The following MUC17 variants were observed in gnomAD, a reference collection of about 807,000 sequenced individuals.
The protein encoded by MUC17 is mucin 17, cell surface associated.
Under a neutral mutation model 170.3 loss-of-function variants are expected in MUC17, and 190 were observed. The ratio of observed to expected loss-of-function variants is 1.12; its 90% CI spans 0.99 to 1.26. The LOEUF (loss-of-function observed/expected upper bound fraction) is 1.26. Ranked by LOEUF, MUC17 falls within the 50% of genes most tolerant of loss-of-function variation. The pLI is 0.00. For missense variants in MUC17, 6,415 were observed against 5,530.0 expected (o/e 1.16, Z -5.08); for synonymous variants, 2,325 against 2,002.5 (o/e 1.16, Z -4.30).
rs746393701 is a variant in MUC17, at chr7:101,031,585, A to T, written c.185-16A>T. 1.3e-6 allele frequency: 2 copies of T among 1,515,684 alleles called. No individual in the cohort carries two copies. The highest frequency in any genetic ancestry group is 1.8e-6 in the Non-Finnish European group (2 of 1,133,914). 93.9% of individuals were successfully genotyped at this position (1,515,684 alleles called of 1,614,324 possible). A position where few individuals can be genotyped will look rare whatever the true frequency, so the allele number is the denominator to read the frequency against. On this transcript the variant is annotated splice_polypyrimidine_tract_variant and intron_variant, in intron 2 of 12. Coordinates refer to ENST00000306151, the MANE Select transcript of MUC17 (RefSeq NM_001040105.2). Reference sequence around the variant, plus strand: ...CTAAGAAACTTCTAAACAAAATATCATTGTATCTTAAACAGGTTCTGCGGC... The same window carrying T: ...CTAAGAAACTTCTAAACAAAATATCTTTGTATCTTAAACAGGTTCTGCGGC...
Position 101,039,664 on chromosome 7 carries a change from A to G in MUC17, c.8248A>G (p.Ser2750Gly), listed in dbSNP as rs762029942. The G allele has an allele frequency of 6.2e-7, 1 of 1,612,390 alleles. No homozygotes were observed. Among genetic ancestry groups the G allele is most frequent in the Non-Finnish European group, 8.5e-7 (1 of 1,179,532 alleles). The change falls in exon 3 of 13, where the codon AGT (serine) becomes GGT (glycine). Residue 2750 changes from serine to glycine, a missense_variant. By Grantham distance (56) the Ser-to-Gly change is moderately conservative. Transcript: ENST00000306151. Reference protein sequence around the residue: ...SMRISTPSDGSTPLTSILVST... With the variant: ...SMRISTPSDGGTPLTSILVST... ...GCGAATCTCAACTCCTAGTGATGGAAGTACTCCATTAACAAGTATACTTGT... is the reference window on the plus strand; with the variant it reads ...GCGAATCTCAACTCCTAGTGATGGAGGTACTCCATTAACAAGTATACTTGT...
At position 101,042,960 on chromosome 7, in the gene MUC17, C is replaced by T. The variant is rs769560059; in HGVS notation, c.11544C>T (p.Thr3848=). The T allele has an allele frequency of 6.2e-7, 1 of 1,614,174 alleles. No homozygotes were observed. The highest frequency in any genetic ancestry group is 8.5e-7 in the Non-Finnish European group (1 of 1,180,034). ...GTGATACCAGCACACCTTTGCTCAC[C>T]TCTACCAAAGCCGGTTCATTCTCCA... The part of the protein sequence containing the change: ...PPGDTSTPLL[T]STKAGSFSIP... Residue 3848 remains threonine (T), a synonymous_variant, in exon 3 of 13, where the codon ACC becomes ACT. Transcript: ENST00000306151.
In MUC17 at chr7:101,020,535, T is replaced by TC. The variant is rs550527098; in HGVS notation, c.82+326dup. ...GGCAGCTGCTAGGATTGAAAAGAGC[T>TC]CCCCCCCCGAGGCATGATCCCTGGC... On this transcript the variant is annotated intron_variant, in intron 1 of 12. Coordinates refer to ENST00000306151, the MANE Select transcript of MUC17 (RefSeq NM_001040105.2). 1.0e-3 allele frequency among the ~76,000 whole-genome samples: 149 copies of TC among 149,256 alleles called. 1 individual carries two copies. Among genetic ancestry groups the TC allele is most frequent in the South Asian group, 3.0e-3 (14 of 4,694 alleles).
intron 3 of MUC17, 32 bp downstream of exon 3, chr7:101,043,851 A>T (rs60062023): frequency 0.019 from 29,677 of 1,552,224 alleles, 1,782 homozygotes; most frequent in East Asian, 0.16. Context: ...CCTTTTTTTT[A>T]AAATTATACT....
At position 101,043,104 on chromosome 7, in the gene MUC17, G is replaced by C. The variant is rs140034397; in HGVS notation, c.11688G>C (p.Ser3896=). The part of the protein sequence containing the change: ...PTSFPGASIA[S]TPPLDTSTTF... Reference sequence around the variant, plus strand: ...GCTTTCCTGGGGCCAGCATAGCTTCGACACCTCCTCTTGACACAAGCACAA... The same window carrying C: ...GCTTTCCTGGGGCCAGCATAGCTTCCACACCTCCTCTTGACACAAGCACAA... The change falls in exon 3 of 13, where the codon TCG becomes TCC. Residue 3896 remains serine, a synonymous_variant. Coordinates refer to ENST00000306151, the MANE Select transcript of MUC17 (RefSeq NM_001040105.2). The C allele has an allele frequency of 1.9e-6, 3 of 1,614,030 alleles. No individual in the cohort carries two copies. The highest frequency in any genetic ancestry group is 2.5e-6 in the Non-Finnish European group (3 of 1,180,010).
chr7:101,038,107 C>A lies in MUC17; in HGVS notation c.6691C>A (p.Pro2231Thr), dbSNP rs148470778. The A allele has an allele frequency of 1.4e-6, 2 of 1,403,208 alleles. No individual in the cohort carries two copies. The highest frequency in any genetic ancestry group is 1.5e-5 in the African/African-American group (1 of 67,804). 86.9% of individuals were successfully genotyped at this position (1,403,208 alleles called of 1,614,324 possible). ...PFTSMPVSTMPVVTSEASTLS... is the reference protein window; with the variant it reads ...PFTSMPVSTMTVVTSEASTLS... ...CACAAGTATGCCTGTCAGCACCATG[C>A]CGGTAGTTACTTCTGAGGCTAGCAC... is the stretch of plus-strand genomic sequence containing the variant. Residue 2231 changes from proline (P) to threonine (T), a missense_variant, in exon 3 of 13, where the codon CCG becomes ACG. Coordinates refer to ENST00000306151, the MANE Select transcript of MUC17 (RefSeq NM_001040105.2).
chr7:101,042,935 G>T lies in MUC17; in HGVS notation c.11519G>T (p.Gly3840Val). The T allele has an allele frequency of 6.2e-7, 1 of 1,613,838 alleles. No homozygotes were observed. The highest frequency in any genetic ancestry group is 1.6e-4 in the Middle Eastern group (1 of 6,062). Residue 3840 changes from glycine to valine, a missense_variant, in exon 3 of 13, where the codon GGT (glycine) becomes GTT (valine). By Grantham distance (109) the Gly-to-Val change is moderately radical. Transcript: ENST00000306151. ...GCCAGCACACTTTCAACACCTCCTG[G>T]TGATACCAGCACACCTTTGCTCACC... ...SEASTLSTPP[G>V]DTSTPLLTST...
intron 3 of MUC17, 142 bp downstream of exon 3, chr7:101,043,961 G>A (rs1794789053): frequency 3.8e-6 from 3 of 797,634 alleles, no homozygotes; most frequent in South Asian, 3.8e-5. Flanking sequence ...ATTTACATTA[G>A]GTATTTCTCG....
chr7:101,042,762 C>T lies in MUC17; in HGVS notation c.11346C>T (p.Ser3782=). 1 of 1,614,136 alleles carries T rather than the reference C, an allele frequency of 6.2e-7. No homozygotes were observed. The highest frequency in any genetic ancestry group is 8.5e-7 in the Non-Finnish European group (1 of 1,180,038). ...CTTCCATACCATCTGTTTACACCAG[C>T]ATGTCTATGACCACTGCCTCTGAAG... ...STPSIPSVYT[S]MSMTTASEGS... The change falls in exon 3 of 13, where the codon AGC becomes AGT. Residue 3782 remains serine (S), a synonymous_variant. Coordinates refer to ENST00000306151, the MANE Select transcript of MUC17 (RefSeq NM_001040105.2).
rs771455936 is a variant in MUC17 at position 101,038,864 on chromosome 7, C to G, written c.7448C>G (p.Thr2483Ser). ...ACCCTTTCCACAACTCCTGTTGACA[C>G]CAGCACACCTATGACCACTTCTACT... ...AGTLSTTPVD[T>S]STPMTTSTEA... Residue 2483 changes from threonine (T) to serine (S), a missense_variant, in exon 3 of 13, where the codon ACC becomes AGC. Transcript: ENST00000306151. 8.1e-6 allele frequency: 13 copies of G among 1,612,818 alleles called. No individual in the cohort carries two copies. The South Asian group carries it at 1.2e-4, about 15-fold the overall frequency.
In MUC17 at chr7:101,034,943, AG is replaced by A; in HGVS notation, c.3529del (p.Ala1177LeufsTer45). ...PVSTTLVVSS[E>X]ANTLSTTPVD... is the part of the protein sequence containing the mutation. ...AGCACCACGCTGGTGGTCAGTTCTG[AG>A]GCTAACACCCTTTCAACAACTCCTG... On this transcript the variant is annotated frameshift_variant, in exon 3 of 13. Transcript: ENST00000306151. LOFTEE classifies it high-confidence loss of function. 1.2e-6 allele frequency: 2 copies of A among 1,614,012 alleles called. No individual in the cohort carries two copies. Among genetic ancestry groups the A allele is most frequent in the Non-Finnish European group, 1.7e-6 (2 of 1,179,960 alleles).
In MUC17 at chr7:101,036,565, A is replaced by C; in HGVS notation, c.5149A>C (p.Asn1717His). ...CACCCTTTCAACAACTCCCGTTGACAACAGCACACCTGTGACCACTTCTAC... is the reference window on the plus strand; with the variant it reads ...CACCCTTTCAACAACTCCCGTTGACCACAGCACACCTGTGACCACTTCTAC... ...ISTLSTTPVD[N>H]STPVTTSTEA... Residue 1717 changes from asparagine (N) to histidine (H), a missense_variant, in exon 3 of 13, where the codon AAC becomes CAC. Transcript: ENST00000306151. The C allele has an allele frequency of 1.2e-6, 2 of 1,611,166 alleles. No homozygotes were observed. Among genetic ancestry groups the C allele is most frequent in the Non-Finnish European group, 1.7e-6 (2 of 1,178,488 alleles).
chr7:101,058,106 T>C lies in MUC17; in HGVS notation c.*62T>C. Reference sequence around the variant, plus strand: ...CAGTCCGGCTAAGCTTGGTGGAGCATTTTCCCATTGAGAGCCTTCCATGGG... The same window carrying C: ...CAGTCCGGCTAAGCTTGGTGGAGCACTTTCCCATTGAGAGCCTTCCATGGG... On this transcript the variant is annotated 3_prime_UTR_variant, in exon 13 of 13. Coordinates refer to ENST00000306151, the MANE Select transcript of MUC17 (RefSeq NM_001040105.2). 5 of 1,490,472 alleles carry C rather than the reference T, an allele frequency of 3.4e-6. No individual in the cohort carries two copies. The highest frequency in any genetic ancestry group is 4.7e-6 in the Non-Finnish European group (5 of 1,069,606). 92.3% of individuals were successfully genotyped at this position (1,490,472 alleles called of 1,614,324 possible). A position where few individuals can be genotyped will look rare whatever the true frequency, so the allele number is the denominator to read the frequency against.
intron 6 of MUC17, 92 bp from the exon 7 acceptor site, chr7:101,050,392 C>G (rs987268182): frequency 3.9e-6 from 6 of 1,528,270 alleles, no homozygotes; most frequent in Non-Finnish European, 5.3e-6. Flanking sequence ...TCTGCCTTCC[C>G]TTGGGATCAG....
chr7:101,036,953 G>A lies in MUC17; in HGVS notation c.5537G>A (p.Ser1846Asn), dbSNP rs139561019. The A allele has an allele frequency of 2.0e-6, 3 of 1,519,396 alleles. No individual in the cohort carries two copies. Among genetic ancestry groups the A allele is most frequent in the Non-Finnish European group, 1.7e-6 (2 of 1,149,394 alleles). 94.1% of individuals were successfully genotyped at this position (1,519,396 alleles called of 1,614,324 possible). ...CCTGTGGTCACTTCTACAGCAGTCAGTTCATCTCCTACACCTGCTGAAGGT... is the reference window on the plus strand; with the variant it reads ...CCTGTGGTCACTTCTACAGCAGTCAATTCATCTCCTACACCTGCTGAAGGT... ...NSPVVTSTAV[S>N]SSPTPAEGTS... The change falls in exon 3 of 13, where the codon AGT (serine) becomes AAT (asparagine). Residue 1846 changes from serine to asparagine, a missense_variant. Transcript: ENST00000306151.
chr7:101,035,783 C>A lies in MUC17; in HGVS notation c.4367C>A (p.Pro1456Gln). ...PTSTPSEGKT[P>Q]LKSIPVSNTP... Reference sequence around the variant, plus strand: ...TCAACTCCTAGTGAAGGAAAGACTCCATTAAAAAGTATACCTGTCAGCAAC... The same window carrying A: ...TCAACTCCTAGTGAAGGAAAGACTCAATTAAAAAGTATACCTGTCAGCAAC... The change falls in exon 3 of 13, where the codon CCA becomes CAA. Residue 1456 changes from proline to glutamine, a missense_variant. Coordinates refer to ENST00000306151, the MANE Select transcript of MUC17 (RefSeq NM_001040105.2). The A allele has an allele frequency of 6.2e-7, 1 of 1,609,278 alleles. No individual in the cohort carries two copies. The highest frequency in any genetic ancestry group is 8.5e-7 in the Non-Finnish European group (1 of 1,177,484).
rs1304566397 is a variant in MUC17 at position 101,040,658 on chromosome 7, C to A, written c.9242C>A (p.Thr3081Asn). ...VDSNSPVVTS[T>N]EVSSSPTPAE... Reference sequence around the variant, plus strand: ...TCCAACAGTCCTGTGGTCACTTCTACTGAAGTCAGTTCATCTCCTACACCT... The same window carrying A: ...TCCAACAGTCCTGTGGTCACTTCTAATGAAGTCAGTTCATCTCCTACACCT... Residue 3081 changes from threonine to asparagine, a missense_variant, in exon 3 of 13, where the codon ACT becomes AAT. Thr to Asn is a moderately conservative substitution (Grantham distance 65). Coordinates refer to ENST00000306151, the MANE Select transcript of MUC17 (RefSeq NM_001040105.2). The A allele has an allele frequency of 6.2e-7, 1 of 1,612,910 alleles. No homozygotes were observed. The highest frequency in any genetic ancestry group is 8.5e-7 in the Non-Finnish European group (1 of 1,179,466).
intron 7 of MUC17, 144 bp downstream of exon 7, chr7:101,050,779 A>G (rs1794926382): frequency 2.5e-6 from 3 of 1,223,936 alleles, no homozygotes; most frequent in Admixed American, 2.8e-5. Flanking sequence ...CTGGGGTTGC[A>G]GCGCAAAGAA....
At chr7:101,057,118 T>A (rs528279808) in intron 12 of MUC17, among the ~76,000 whole-genome samples, 1 of 152,284 alleles carries the variant, frequency 6.6e-6, no homozygotes, top group Non-Finnish European at 1.5e-5. Flanking sequence ...TGGAATCAGA[T>A]TAAACATTTT....
Sources: gnomAD v4.1 joint callset for allele counts (sites outside exome capture counted in the v4.1 genomes callset) on GRCh38, gnomAD v4.1.1 for gene constraint, MANE v1.5 for transcripts, NCBI Gene and HGNC (gene_info 2026-07-23, HGNC 2026-07-21) for gene names.